The following SH3RF2 variants were observed in gnomAD, a reference collection of about 807,000 sequenced individuals.
SH3RF2 encodes the protein SH3 domain containing ring finger 2.
Under a neutral mutation model 59.0 loss-of-function variants are expected in SH3RF2, and 43 were observed. The observed-to-expected ratio is 0.73, with a 90% CI of 0.57 to 0.94. The LOEUF (loss-of-function observed/expected upper bound fraction) is 0.94. Ranked by LOEUF, SH3RF2 falls within the 40% of genes least tolerant of loss-of-function variation. The pLI, the probability that SH3RF2 is intolerant of heterozygous loss-of-function variation, is 0.00. For synonymous variants in SH3RF2, 391 were observed against 391.5 expected, an observed-to-expected ratio of 1.00 and a Z score of 0.01; for missense variants, 930 against 940.1, an observed-to-expected ratio of 0.99 and a Z score of 0.14.
chr5:146,058,894 G>T (rs199588687), intron 8 of SH3RF2, among the ~76,000 whole-genome samples: 114 of 148,316 alleles, frequency 7.7e-4, no homozygotes, highest in African/African-American at 2.8e-3. Flanking sequence ...AAAAGGAAAA[G>T]AAAAACAATG....
At chr5:146,079,675 C>A (rs1053871510) in exon 10 of SH3RF2, 3 of 152,208 alleles carry the variant, frequency 2.0e-5, no homozygotes, top group African/African-American at 7.2e-5. Flanking sequence ...GTGAAGCTAT[C>A]ACATGCAGGG....
intron 4 of SH3RF2, among the ~76,000 whole-genome samples, chr5:146,009,682 T>G (rs1760795421): frequency 6.6e-6 from 1 of 152,226 alleles, no homozygotes; most frequent in African/African-American, 2.4e-5. Flanking sequence ...CTGTAATTTA[T>G]AAGTCACCCC....
At chr5:145,962,662 C>T (rs966823834) in intron 2 of SH3RF2, among the ~76,000 whole-genome samples, 4 of 151,970 alleles carry the variant, frequency 2.6e-5, no homozygotes, top group African/African-American at 9.7e-5. Context: ...TTGCCTTAGG[C>T]CGTCCTTCTT....
At chr5:145,982,250 T>C (rs930877066) in intron 2 of SH3RF2, among the ~76,000 whole-genome samples, 3 of 152,218 alleles carry the variant, frequency 2.0e-5, no homozygotes, top group Admixed American at 2.0e-4. Flanking sequence ...TAGGACATGC[T>C]GGTTCCAGGA....
chr5:145,979,812 A>G (rs1194489312), intron 2 of SH3RF2, among the ~76,000 whole-genome samples: 1 of 152,192 alleles, frequency 6.6e-6, no homozygotes, highest in Non-Finnish European at 1.5e-5. Context: ...GAGTATTTAT[A>G]TCTATCCACC....
chr5:146,060,524 C>A (rs950357060), intron 9 of SH3RF2, among the ~76,000 whole-genome samples: 2 of 152,048 alleles, frequency 1.3e-5, no homozygotes, highest in Non-Finnish European at 2.9e-5. Context: ...TTAGATGAAT[C>A]TTGCTTTGAA....
At chr5:146,071,236 T>A (rs997910979) in intron 9 of SH3RF2, among the ~76,000 whole-genome samples, 8 of 152,220 alleles carry the variant, frequency 5.3e-5, no homozygotes, top group Non-Finnish European at 1.0e-4. Flanking sequence ...TTCAAAAGGT[T>A]GTACCCAGAT....
chr5:146,064,868 A>AAG (rs1763065485), downstream of SH3RF2, among the ~76,000 whole-genome samples: 5 of 117,866 alleles, frequency 4.2e-5, 2 homozygotes, highest in African/African-American at 9.0e-5. Flanking sequence ...AAGAAAGAGA[A>AAG]AGAAAAAGAA....
At chr5:146,040,257 A>G (rs373346612) in intron 5 of SH3RF2, among the ~76,000 whole-genome samples, 4 of 152,214 alleles carry the variant, frequency 2.6e-5, no homozygotes, top group East Asian at 3.8e-4. Flanking sequence ...TACGGGTGGT[A>G]TGTATGCAGG....
intron 2 of SH3RF2, among the ~76,000 whole-genome samples, chr5:145,973,531 A>T (rs1020502567): frequency 1.3e-5 from 2 of 152,232 alleles, no homozygotes; most frequent in African/African-American, 4.8e-5. Flanking sequence ...CCTTTTAAGA[A>T]GGATGAGAAG....
intron 9 of SH3RF2, among the ~76,000 whole-genome samples, chr5:146,062,005 C>T (rs189811039): frequency 6.6e-6 from 1 of 152,108 alleles, no homozygotes; most frequent in Non-Finnish European, 1.5e-5. Flanking sequence ...TAAATGGAGT[C>T]ATCAGGAGAG....
At chr5:146,036,276 C>T (rs957336658) in intron 5 of SH3RF2, among the ~76,000 whole-genome samples, 2 of 152,170 alleles carry the variant, frequency 1.3e-5, no homozygotes, top group Non-Finnish European at 1.5e-5. Context: ...CAGGGGAGAC[C>T]AGACGCAGTG....
chr5:145,959,075 G>C (rs1758525020), intron 2 of SH3RF2, among the ~76,000 whole-genome samples: 1 of 152,114 alleles, frequency 6.6e-6, no homozygotes, highest in South Asian at 2.1e-4. Flanking sequence ...AACTAAGACA[G>C]CAATGAAAAT....
At chr5:146,027,127 T>C (rs954083728) in intron 5 of SH3RF2, among the ~76,000 whole-genome samples, 1 of 152,230 alleles carries the variant, frequency 6.6e-6, no homozygotes. Flanking sequence ...AAAGCCCCTT[T>C]GCTTTCTTGA....
rs201874600 is a variant in SH3RF2, at chr5:146,013,822, G to A, written c.820G>A (p.Val274Met). 6.8e-5 allele frequency: 110 copies of A among 1,613,994 alleles called. No individual in the cohort carries two copies. The highest frequency in any genetic ancestry group is 9.0e-5 in the Non-Finnish European group (106 of 1,180,018). Residue 274 changes from valine to methionine, a missense_variant, in exon 5 of 10, where the codon GTG (valine) becomes ATG (methionine). Val to Met is a conservative substitution (Grantham distance 21). Transcript: ENST00000359120. ...QSSRTKNLSL[V>M]SSSSRGNTST... ...ATCCCGCACAAAAAACCTGTCCCTGGTGTCCTCGTCCTCCAGAGGCAACAC... is the reference window on the plus strand; with the variant it reads ...ATCCCGCACAAAAAACCTGTCCCTGATGTCCTCGTCCTCCAGAGGCAACAC...
At chr5:146,037,613 C>T (rs1761985121) in intron 5 of SH3RF2, among the ~76,000 whole-genome samples, 2 of 152,184 alleles carry the variant, frequency 1.3e-5, no homozygotes, top group South Asian at 2.1e-4. Context: ...TATGGAAAAA[C>T]ATTTTACATC....
At chr5:146,031,639 A>T (rs1761747232) in intron 5 of SH3RF2, among the ~76,000 whole-genome samples, 1 of 152,230 alleles carries the variant, frequency 6.6e-6, no homozygotes, top group Admixed American at 6.5e-5. Context: ...CAGCAATGCC[A>T]AGCTCTGCTG....
At chr5:146,018,065 A>G (rs141801135) in intron 5 of SH3RF2, among the ~76,000 whole-genome samples, 91 of 152,256 alleles carry the variant, frequency 6.0e-4, no homozygotes, top group African/African-American at 2.1e-3. Flanking sequence ...GGAGTGAAAG[A>G]TTAGGTATTT....
In SH3RF2 at chr5:146,052,477, G is replaced by A. The variant is rs113632828; in HGVS notation, c.1322+3232G>A. On this transcript the variant is annotated intron_variant, in intron 7 of 9. Coordinates refer to ENST00000359120, the MANE Select transcript of SH3RF2 (RefSeq NM_152550.4). ...GTTCTCCCCTCACTCCCAGTTCAGG[G>A]AAATCTGAACATATGCAAATATTGA... Among the ~76,000 whole-genome samples the A allele has an allele frequency of 3.5e-3, 527 of 152,266 alleles. 7 individuals are homozygous for A. Among genetic ancestry groups the A allele is most frequent in the African/African-American group, 0.012 (488 of 41,532 alleles).
Sources: allele counts gnomAD v4.1 joint callset (sites outside exome capture counted in the v4.1 genomes callset), GRCh38; gene constraint gnomAD v4.1.1; transcripts MANE v1.5; gene names NCBI Gene and HGNC (gene_info 2026-07-23, HGNC 2026-07-21).